ZNF212: variants seen among roughly 807,000 people sequenced by gnomAD.
ZNF212 encodes Zinc finger protein C2H2-150.
ZNF212 carries 32 observed loss-of-function variants against 47.3 expected under a neutral mutation model. The observed-to-expected ratio is 0.68, with a 90% confidence interval of 0.51 to 0.91. ZNF212 has a LOEUF of 0.91. ZNF212 is among the 40% of genes least tolerant of loss of function. ZNF212 has a pLI of 0.00. For missense variants in ZNF212, 555 were observed against 622.8 expected (o/e 0.89, Z 1.16); for synonymous variants, 242 against 253.8 (o/e 0.95, Z 0.44).
In ZNF212 at chr7:149,239,672, C is replaced by CGGCGGCGGCGGT; in HGVS notation, c.-96_-95insTGGCGGCGGCGG. 9.1e-7 allele frequency: 1 copy of CGGCGGCGGCGGT among 1,102,560 alleles called. No individual in the cohort carries two copies. The highest frequency in any genetic ancestry group is 1.1e-6 in the Non-Finnish European group (1 of 914,896). 68.3% of individuals were successfully genotyped at this position (1,102,560 alleles called of 1,614,324 possible). A position where few individuals can be genotyped will look rare whatever the true frequency, so the allele number is the denominator to read the frequency against. ...TCCCAGAATGCACCTGGCATCAACACGGCGGCGGCGGCGGCGGCTTCCAAC... is the reference window on the plus strand; with the variant it reads ...TCCCAGAATGCACCTGGCATCAACACGGCGGCGGCGGTGGCGGCGGCGGCGGCGGCTTCCAAC... On this transcript the variant is annotated 5_prime_UTR_variant, in exon 1 of 5. Transcript: ENST00000335870.
At position 149,254,198 on chromosome 7, in the gene ZNF212, G is replaced by A. The variant is rs145263112; in HGVS notation, c.1271G>A (p.Arg424Gln). 17 of 1,614,142 alleles carry A rather than the reference G, an allele frequency of 1.1e-5. No homozygotes were observed. Among genetic ancestry groups the A allele is most frequent in the East Asian group, 2.2e-5 (1 of 44,900 alleles). ...GGCCACATCCCTTGGAGGAAAAGCCGGAGTTCCCTCATCTGTGGTTACTGT... is the reference window on the plus strand; with the variant it reads ...GGCCACATCCCTTGGAGGAAAAGCCAGAGTTCCCTCATCTGTGGTTACTGT... ...LPGHIPWRKS[R>Q]SSLICGYCGK... Residue 424 changes from arginine (R) to glutamine (Q), a missense_variant, in exon 5 of 5, where the codon CGG becomes CAG. Transcript: ENST00000335870. The surrounding 1 kb of genome is among the most constrained non-coding windows in gnomAD (Gnocchi z 4.5).
intron 1 of ZNF212, among the ~76,000 whole-genome samples, chr7:149,243,568 A>G (rs557793486): frequency 9.2e-5 from 14 of 152,126 alleles, no homozygotes; most frequent in African/African-American, 3.4e-4. Context: ...AAGTTGACAA[A>G]TATATTTAGT....
Position 149,239,684 on chromosome 7 carries a change from C to CGGG in ZNF212, c.-93_-92insGGG. On this transcript the variant is annotated 5_prime_UTR_variant, in exon 1 of 5. Transcript: ENST00000335870. ...CCTGGCATCAACACGGCGGCGGCGG[C>CGGG]GGCGGCTTCCAACAGGCTCTGGGGC... 7.8e-7 allele frequency: 1 copy of CGGG among 1,287,956 alleles called. No homozygotes were observed. Among genetic ancestry groups the CGGG allele is most frequent in the Non-Finnish European group, 9.9e-7 (1 of 1,011,450 alleles). The allele number at this position is 1,287,956 out of a possible 1,614,324, so 79.8% of individuals were successfully genotyped here.
chr7:149,253,730 C>T lies in ZNF212; in HGVS notation c.803C>T (p.Ser268Phe). 4 of 1,614,066 alleles carry T rather than the reference C, an allele frequency of 2.5e-6. No homozygotes were observed. Among genetic ancestry groups the T allele is most frequent in the Non-Finnish European group, 3.4e-6 (4 of 1,179,976 alleles). ...CTCTTGGAAACAGGTCCTGGGGACT[C>T]TACTCTAGAGGAGCCTGTTGGTAGT... ...SVLLETGPGD[S>F]TLEEPVGSRV... The change falls in exon 5 of 5, where the codon TCT (serine) becomes TTT (phenylalanine). Residue 268 changes from serine to phenylalanine, a missense_variant. Coordinates refer to ENST00000335870, the MANE Select transcript of ZNF212 (RefSeq NM_012256.4).
chr7:149,246,687 G>C (rs919592210), intron 1 of ZNF212, among the ~76,000 whole-genome samples: 1 of 151,810 alleles, frequency 6.6e-6, no homozygotes, highest in Non-Finnish European at 1.5e-5. Context: ...ACTGTGCCTG[G>C]CCTATAATCA....
chr7:149,254,378 T>C lies in ZNF212; in HGVS notation c.1451T>C (p.Leu484Pro). 2 of 1,606,938 alleles carry C rather than the reference T, an allele frequency of 1.2e-6. No homozygotes were observed. The highest frequency in any genetic ancestry group is 1.7e-6 in the Non-Finnish European group (2 of 1,179,818). ...QKIHQRERGG[L>P]ALEPGRPNGL... ...ATCCACCAGCGGGAGCGGGGTGGGCTGGCCCTGGAGCCCGGAAGGCCCAAT... is the reference window on the plus strand; with the variant it reads ...ATCCACCAGCGGGAGCGGGGTGGGCCGGCCCTGGAGCCCGGAAGGCCCAAT... Residue 484 changes from leucine (L) to proline (P), a missense_variant, in exon 5 of 5, where the codon CTG (leucine) becomes CCG (proline). Physicochemically the swap from Leu to Pro is moderately conservative, Grantham distance 98. Coordinates refer to ENST00000335870, the MANE Select transcript of ZNF212 (RefSeq NM_012256.4). The surrounding 1 kb of genome is among the most constrained non-coding windows in gnomAD (Gnocchi z 4.5).
At position 149,239,684 on chromosome 7, in the gene ZNF212, C is replaced by CGGT; in HGVS notation, c.-93_-92insTGG. The CGGT allele has an allele frequency of 3.1e-6, 4 of 1,287,954 alleles. No homozygotes were observed. The highest frequency in any genetic ancestry group is 3.1e-5 in the East Asian group (1 of 32,618). 79.8% of individuals were successfully genotyped at this position (1,287,954 alleles called of 1,614,324 possible). On this transcript the variant is annotated 5_prime_UTR_variant, in exon 1 of 5. Coordinates refer to ENST00000335870, the MANE Select transcript of ZNF212 (RefSeq NM_012256.4). ...CCTGGCATCAACACGGCGGCGGCGG[C>CGGT]GGCGGCTTCCAACAGGCTCTGGGGC...
At chr7:149,250,613 C>T in intron 2 of ZNF212, 65 bp downstream of exon 2, 1 of 1,609,952 alleles carries the variant, frequency 6.2e-7, no homozygotes, top group Non-Finnish European at 8.5e-7. Flanking sequence ...ATGTAAGCAC[C>T]TCAGTTGCTG....
chr7:149,250,029 G>T (rs1796730143), intron 1 of ZNF212, 130 bp from the exon 2 acceptor site: 1 of 829,550 alleles, frequency 1.2e-6, no homozygotes, highest in Non-Finnish European at 1.6e-6. Context: ...ATAATTTTTA[G>T]TATCAATAAA....
intron 1 of ZNF212, among the ~76,000 whole-genome samples, chr7:149,241,491 A>C (rs1321090340): frequency 6.6e-6 from 1 of 152,024 alleles, no homozygotes; most frequent in Non-Finnish European, 1.5e-5. Context: ...AATAACATGA[A>C]TCTGTCGTTG....
At chr7:149,243,428 C>T (rs1246206960) in intron 1 of ZNF212, among the ~76,000 whole-genome samples, 60 of 67,096 alleles carry the variant, frequency 8.9e-4, no homozygotes, top group South Asian at 3.1e-3. Context: ...AGTGAGACTC[C>T]GTCTCAAAAA....
intron 1 of ZNF212, among the ~76,000 whole-genome samples, chr7:149,243,109 A>G (rs1002492157): frequency 2.6e-5 from 4 of 152,150 alleles, no homozygotes; most frequent in East Asian, 1.9e-4. Context: ...AAGAGTTACA[A>G]CCGGCTGGGC....
At position 149,254,131 on chromosome 7, in the gene ZNF212, G is replaced by A; in HGVS notation, c.1204G>A (p.Val402Ile). 1.2e-6 allele frequency: 2 copies of A among 1,614,054 alleles called. No homozygotes were observed. Among genetic ancestry groups the A allele is most frequent in the Non-Finnish European group, 1.7e-6 (2 of 1,179,942 alleles). The change falls in exon 5 of 5, where the codon GTC (valine) becomes ATC (isoleucine). Residue 402 changes from valine (V) to isoleucine (I), a missense_variant. Coordinates refer to ENST00000335870, the MANE Select transcript of ZNF212 (RefSeq NM_012256.4). The surrounding 1 kb of genome is among the most constrained non-coding windows in gnomAD (Gnocchi z 4.5). ...LQEGPSAGQH[V>I]QERFSPNSLV... ...GGAGGGGCCCAGTGCCGGCCAGCAT[G>A]TCCAAGAGAGGTTCTCACCCAACAG...
chr7:149,250,181 C>T lies in ZNF212; in HGVS notation c.47C>T (p.Thr16Ile). ...CAGCACAGGAGAAAACGACGCTCCA[C>T]ACCTTTAACTTCTTCCACACTTCCT... ...PARHRRKRRS[T>I]PLTSSTLPSQ... The change falls in exon 2 of 5, where the codon ACA becomes ATA. Residue 16 changes from threonine (T) to isoleucine (I), a missense_variant. Transcript: ENST00000335870. 1.3e-6 allele frequency: 2 copies of T among 1,540,406 alleles called. No individual in the cohort carries two copies. The highest frequency in any genetic ancestry group is 1.7e-6 in the Non-Finnish European group (2 of 1,145,396).
At chr7:149,240,212 A>G (rs1796567477) in intron 1 of ZNF212, among the ~76,000 whole-genome samples, 1 of 151,014 alleles carries the variant, frequency 6.6e-6, no homozygotes, top group African/African-American at 2.4e-5. Context: ...CTCTGCGACC[A>G]CCTCCTCTTC....
chr7:149,254,027 A>G lies in ZNF212; in HGVS notation c.1100A>G (p.Lys367Arg), dbSNP rs766039783. ...CTGAAACCACAGACCAAAAAGGCCA[A>G]GCTGCATCAGTGTGATGTGTGCCTG... is the stretch of plus-strand genomic sequence containing the variant. ...PRLKPQTKKAKLHQCDVCLRS... is the reference protein window; with the variant it reads ...PRLKPQTKKARLHQCDVCLRS... Residue 367 changes from lysine to arginine, a missense_variant, in exon 5 of 5, where the codon AAG becomes AGG. Physicochemically the swap from Lys to Arg is conservative, Grantham distance 26 (BLOSUM62 2). Coordinates refer to ENST00000335870, the MANE Select transcript of ZNF212 (RefSeq NM_012256.4). The surrounding 1 kb of genome is among the most constrained non-coding windows in gnomAD (Gnocchi z 4.5). 9 of 1,613,132 alleles carry G rather than the reference A, an allele frequency of 5.6e-6. No homozygotes were observed. Among genetic ancestry groups the G allele is most frequent in the Non-Finnish European group, 5.9e-6 (7 of 1,179,472 alleles).
rs1796798097 is a variant in ZNF212 at position 149,254,009 on chromosome 7, C to T, written c.1082C>T (p.Pro361Leu). The T allele has an allele frequency of 3.1e-6, 5 of 1,613,370 alleles. No homozygotes were observed. The highest frequency in any genetic ancestry group is 3.4e-6 in the Non-Finnish European group (4 of 1,179,586). The change falls in exon 5 of 5, where the codon CCA (proline) becomes CTA (leucine). Residue 361 changes from proline to leucine, a missense_variant. Coordinates refer to ENST00000335870, the MANE Select transcript of ZNF212 (RefSeq NM_012256.4). The surrounding 1 kb of genome is among the most constrained non-coding windows in gnomAD (Gnocchi z 4.5). ...ESLRPRPRLK[P>L]QTKKAKLHQC... ...CTTAGGCCCAGGCCACGGCTGAAACCACAGACCAAAAAGGCCAAGCTGCAT... is the reference window on the plus strand; with the variant it reads ...CTTAGGCCCAGGCCACGGCTGAAACTACAGACCAAAAAGGCCAAGCTGCAT...
At chr7:149,244,149 G>C (rs943294080) in intron 1 of ZNF212, among the ~76,000 whole-genome samples, 15 of 150,312 alleles carry the variant, frequency 1.0e-4, no homozygotes, top group African/African-American at 3.4e-4. Context: ...TGGTCAGGCT[G>C]GTCTTGAACT....
At chr7:149,246,285 T>C (rs1209931778) in intron 1 of ZNF212, among the ~76,000 whole-genome samples, 1 of 152,232 alleles carries the variant, frequency 6.6e-6, no homozygotes, top group Non-Finnish European at 1.5e-5. Flanking sequence ...TTTAGGCAGA[T>C]AGTTCAACAA....
Sources: gnomAD v4.1 joint callset for allele counts (sites outside exome capture counted in the v4.1 genomes callset) on GRCh38, gnomAD v4.1.1 for gene constraint, Gnocchi (gnomAD v3.1) non-coding constraint, MANE v1.5 for transcripts, NCBI Gene and HGNC (gene_info 2026-07-23, HGNC 2026-07-21) for gene names.